Variants in BRAT1 observed in about 807,000 individuals in gnomAD.
BRAT1 encodes BRCA1 associated ATM activator 1, also known as integrator complex assembly factor BRAT1.
A neutral mutation model predicts 70.6 loss-of-function variants in BRAT1; 74 were observed. The ratio of observed to expected loss-of-function variants is 1.05; its 90% confidence interval spans 0.87 to 1.27. The LOEUF (loss-of-function observed/expected upper bound fraction) is 1.27, where lower values mean the gene tolerates loss of function less well. Ranked by LOEUF, BRAT1 falls within the 50% of genes most tolerant of loss-of-function variation. BRAT1 has a pLI of 0.00. For missense variants in BRAT1, 1,203 were observed against 1,098.2 expected (o/e 1.10, Z -1.35); for synonymous variants, 615 against 517.1 (o/e 1.19, Z -2.57).
Position 2,543,446 on chromosome 7 carries a change from G to C in BRAT1, c.804-123C>G. The C allele has an allele frequency of 6.7e-7, 1 of 1,482,140 alleles. No homozygotes were observed. Among genetic ancestry groups the C allele is most frequent in the South Asian group, 1.4e-5 (1 of 72,384 alleles). 91.8% of individuals were successfully genotyped at this position (1,482,140 alleles called of 1,614,324 possible). On this transcript the variant is annotated intron_variant, in intron 5 of 13. Transcript: ENST00000340611. This position sits in a 1 kb window ranked among gnomAD's most constrained non-coding sequence, Gnocchi z 5.5. ...CAGCCCAAGACAGGCCTTTCCCCATGAGGGTTCCAGGGTCACCCCGGTGCC... is the reference window on the plus strand; with the variant it reads ...CAGCCCAAGACAGGCCTTTCCCCATCAGGGTTCCAGGGTCACCCCGGTGCC...
chr7:2,538,918 C>G (rs766892225), intron 13 of BRAT1, 154 bp from the exon 14 acceptor site: 27 of 1,462,126 alleles, frequency 1.8e-5, no homozygotes, highest in Non-Finnish European at 2.3e-5. Flanking sequence ...AGTGAGCACA[C>G]GGCCCTCCAA....
Position 2,539,201 on chromosome 7 carries a change from G to C in BRAT1, c.1748C>G (p.Pro583Arg), listed in dbSNP as rs776324979. The part of the protein sequence containing the change: ...SSQGLHAPTS[P>R]EHAEARQSLF... ...TACCTGCCGGGCCTCTGCATGCTCA[G>C]GGCTGGTGGGGGCGTGCAGGCCCTG... The change falls in exon 13 of 14, where the codon CCT (proline) becomes CGT (arginine). Residue 583 changes from proline to arginine, a missense_variant. Pro to Arg is a moderately radical substitution (Grantham distance 103). Coordinates refer to ENST00000340611, the MANE Select transcript of BRAT1 (RefSeq NM_152743.4). 6.2e-7 allele frequency: 1 copy of C among 1,609,180 alleles called. No homozygotes were observed. Among genetic ancestry groups the C allele is most frequent in the Admixed American group, 1.7e-5 (1 of 59,944 alleles).
At position 2,554,387 on chromosome 7, in the gene BRAT1, A is replaced by C; in HGVS notation, c.45T>G (p.Val15=). The C allele has an allele frequency of 6.2e-7, 1 of 1,614,052 alleles. No homozygotes were observed. Among genetic ancestry groups the C allele is most frequent in the Non-Finnish European group, 8.5e-7 (1 of 1,179,940 alleles). The change falls in exon 2 of 14, where the codon GTT becomes GTG. Residue 15 remains valine, a synonymous_variant. Coordinates refer to ENST00000340611, the MANE Select transcript of BRAT1 (RefSeq NM_152743.4). ...CCACCGGCTGCCTGGGATCTACCAG[A>C]ACAGCACAGAGAGCCGGGAGCAGCT... is the stretch of plus-strand genomic sequence containing the variant. ...CAQLLPALCA[V]LVDPRQPVAD...
At chr7:2,551,222 C>A (rs546118288) in intron 2 of BRAT1, among the ~76,000 whole-genome samples, 7 of 146,030 alleles carry the variant, frequency 4.8e-5, no homozygotes, top group African/African-American at 1.6e-4. Flanking sequence ...GCCTGGGCAA[C>A]AGAGCAAGAC....
At chr7:2,549,065 C>T (rs6952913) in intron 2 of BRAT1, among the ~76,000 whole-genome samples, 3,271 of 152,256 alleles carry the variant, frequency 0.021, 131 homozygotes, top group African/African-American at 0.075. Context: ...AAAATACTAA[C>T]GACAATAATA....
chr7:2,546,775 A>AT (rs1396126901), intron 3 of BRAT1, among the ~76,000 whole-genome samples: 1 of 152,084 alleles, frequency 6.6e-6, no homozygotes, highest in Non-Finnish European at 1.5e-5. Flanking sequence ...AATAAAATTA[A>AT]TTTTTTAAAA....
intron 10 of BRAT1, 132 bp downstream of exon 10, chr7:2,540,847 C>T (rs1183331500): frequency 6.1e-6 from 6 of 986,140 alleles, no homozygotes; most frequent in African/African-American, 1.7e-5. Flanking sequence ...GTGAAGCTCT[C>T]TGAGCAGCAG....
At position 2,538,513 on chromosome 7, in the gene BRAT1, G is replaced by C; in HGVS notation, c.2022C>G (p.Pro674=). 1 of 1,609,932 alleles carries C rather than the reference G, an allele frequency of 6.2e-7. No homozygotes were observed. The highest frequency in any genetic ancestry group is 1.3e-5 in the African/African-American group (1 of 75,044). Residue 674 remains proline (P), a synonymous_variant, in exon 14 of 14, where the codon CCC becomes CCG. Coordinates refer to ENST00000340611, the MANE Select transcript of BRAT1 (RefSeq NM_152743.4). ...CCACCTCGGGTAGGGCCACGGCATA[G>C]GGGCAGTGGGTACGCGGCGGCCCCA... ...QTLGPPRTHC[P]YAVALPEVAP...
In BRAT1 at chr7:2,538,203, A is replaced by C; in HGVS notation, c.2332T>G (p.Ser778Ala). 1 of 1,609,884 alleles carries C rather than the reference A, an allele frequency of 6.2e-7. No individual in the cohort carries two copies. The highest frequency in any genetic ancestry group is 8.5e-7 in the Non-Finnish European group (1 of 1,178,266). ...CTCCGCAGGCCCTCCAGGTCTAGGG[A>C]CCTGAGCATGGCCAGCACAGCCTCA... is the stretch of plus-strand genomic sequence containing the variant. The part of the protein sequence containing the change: ...EPEAVLAMLR[S>A]LDLEGLRSTL... The change falls in exon 14 of 14, where the codon TCC becomes GCC. Residue 778 changes from serine to alanine, a missense_variant. Coordinates refer to ENST00000340611, the MANE Select transcript of BRAT1 (RefSeq NM_152743.4).
Position 2,541,064 on chromosome 7 carries a change from G to GT in BRAT1, c.1322-13dup, listed in dbSNP as rs1554294528. On this transcript the variant is annotated splice_polypyrimidine_tract_variant and intron_variant, in intron 9 of 13. Coordinates refer to ENST00000340611, the MANE Select transcript of BRAT1 (RefSeq NM_152743.4). The stretch of plus-strand genomic sequence containing the variant: ...CAGCTCCTGGGGGCCTGAGACAGAG[G>GT]TGAGTGGATAAACCACCCCCACCCC... The GT allele has an allele frequency of 6.4e-7, 1 of 1,559,984 alleles. No homozygotes were observed. The highest frequency in any genetic ancestry group is 8.6e-7 in the Non-Finnish European group (1 of 1,162,368).
Position 2,541,738 on chromosome 7 carries a change from G to C in BRAT1, c.1114C>G (p.Leu372Val), listed in dbSNP as rs1779183892. 2.5e-6 allele frequency: 4 copies of C among 1,610,012 alleles called. No individual in the cohort carries two copies. The Admixed American group carries it at 5.0e-5, about 20-fold the overall frequency. ...AGLLCRTLAH[L>V]EELQPLPQRP... ...CCTACCAGCGGCTGCAGCTCCTCCA[G>C]GTGAGCCAGGGTGCGGCACAGGAGG... is the stretch of plus-strand genomic sequence containing the variant. The change falls in exon 8 of 14, where the codon CTG becomes GTG. Residue 372 changes from leucine (L) to valine (V), a missense_variant. Leu to Val is a conservative substitution (Grantham distance 32). Transcript: ENST00000340611.
At position 2,538,198 on chromosome 7, in the gene BRAT1, T is replaced by G. The variant is rs1013387094; in HGVS notation, c.2337A>C (p.Leu779=). 6.2e-7 allele frequency: 1 copy of G among 1,609,856 alleles called. No homozygotes were observed. Among genetic ancestry groups the G allele is most frequent in the Non-Finnish European group, 8.5e-7 (1 of 1,178,272 alleles). The change falls in exon 14 of 14, where the codon CTA becomes CTC. Residue 779 remains leucine (L), a synonymous_variant. Transcript: ENST00000340611. The part of the protein sequence containing the change: ...PEAVLAMLRS[L]DLEGLRSTLA... ...GCGTGCTCCGCAGGCCCTCCAGGTC[T>G]AGGGACCTGAGCATGGCCAGCACAG...
At chr7:2,548,668 T>TTA (rs1293334755) in intron 2 of BRAT1, among the ~76,000 whole-genome samples, 2 of 133,472 alleles carry the variant, frequency 1.5e-5, no homozygotes, top group Non-Finnish European at 3.2e-5. Context: ...CCTGTCTCTC[T>TTA]AAAAAAAAAA....
intron 10 of BRAT1, chr7:2,540,717 G>C: frequency 2.5e-6 from 1 of 407,210 alleles, no homozygotes; most frequent in African/African-American, 2.1e-5. Flanking sequence ...CCCTTGTCCA[G>C]AATTCCCCGC....
intron 2 of BRAT1, among the ~76,000 whole-genome samples, chr7:2,548,712 C>T (rs1003347987): frequency 1.1e-4 from 17 of 150,904 alleles, no homozygotes; most frequent in Admixed American, 8.6e-4. Flanking sequence ...CCTGTAATCC[C>T]AGCACTTTTG....
At chr7:2,550,206 C>T (rs1027088680) in intron 2 of BRAT1, among the ~76,000 whole-genome samples, 3 of 150,160 alleles carry the variant, frequency 2.0e-5, no homozygotes, top group South Asian at 2.1e-4. Flanking sequence ...GTGCCTCACA[C>T]CTGTAATTGC....
At position 2,542,152 on chromosome 7, in the gene BRAT1, A is replaced by G. The variant is rs1291695271; in HGVS notation, c.983T>C (p.Leu328Pro). The G allele has an allele frequency of 4.5e-6, 7 of 1,571,170 alleles. No homozygotes were observed. Among genetic ancestry groups the G allele is most frequent in the Non-Finnish European group, 6.0e-6 (7 of 1,158,402 alleles). Residue 328 changes from leucine to proline, a missense_variant, in exon 7 of 14, where the codon CTG (leucine) becomes CCG (proline). Leu to Pro is a moderately conservative substitution (Grantham distance 98). Coordinates refer to ENST00000340611, the MANE Select transcript of BRAT1 (RefSeq NM_152743.4). ...TCCGGGGGCCTGAACCGTGGCCTTC[A>G]GGACACAGGCCAGGGGCTGGAGAAG... Reference protein sequence around the residue: ...QVLLQPLACVLKATVQAPGPP... With the variant: ...QVLLQPLACVPKATVQAPGPP...
intron 3 of BRAT1, among the ~76,000 whole-genome samples, chr7:2,546,500 G>T (rs1230723428): frequency 6.6e-6 from 1 of 152,086 alleles, no homozygotes; most frequent in East Asian, 1.9e-4. Flanking sequence ...TTGGGAGGCC[G>T]AGGCAGACGG....
In BRAT1 at chr7:2,547,468, G is replaced by A. The variant is rs1438774430; in HGVS notation, c.138C>T (p.Val46=). ...GGCAGGGGTGCTCCTGCAGCAGCAC[G>A]ACACTGGACTCTGTGGGGATGGCCC... The part of the protein sequence containing the change: ...FKTVTEGESS[V]VLLQEHPCLV... The change falls in exon 3 of 14, where the codon GTC becomes GTT. Residue 46 remains valine (V), a synonymous_variant. Transcript: ENST00000340611. 3.1e-6 allele frequency: 5 copies of A among 1,613,970 alleles called. No individual in the cohort carries two copies. The highest frequency in any genetic ancestry group is 1.1e-5 in the South Asian group (1 of 91,070).
Sources: gnomAD v4.1 joint callset for allele counts (sites outside exome capture counted in the v4.1 genomes callset) on GRCh38, gnomAD v4.1.1 for gene constraint, Gnocchi (gnomAD v3.1) non-coding constraint, MANE v1.5 for transcripts, NCBI Gene and HGNC (gene_info 2026-07-23, HGNC 2026-07-21) for gene names.